ELMO1: variants seen among roughly 807,000 people sequenced by gnomAD.
ELMO1 encodes the protein engulfment and cell motility 1, also known as engulfment and cell motility protein 1.
ELMO1 carries 26 observed loss-of-function variants against 98.9 expected under a neutral mutation model. The ratio of observed to expected loss-of-function variants is 0.26; its 90% confidence interval spans 0.19 to 0.36. The LOEUF (loss-of-function observed/expected upper bound fraction) is 0.36. Ranked by LOEUF, ELMO1 falls within the 10% of genes least tolerant of loss-of-function variation. ELMO1 has a pLI of 1.00. For missense variants in ELMO1, 627 were observed against 935.2 expected, an observed-to-expected ratio of 0.67 and a Z score of 4.30; for synonymous variants, 346 against 346.0, an observed-to-expected ratio of 1.00 and a Z score of 0.00.
chr7:37,039,452 C>G (rs1416772289), intron 15 of ELMO1, among the ~76,000 whole-genome samples: 3 of 152,192 alleles, frequency 2.0e-5, no homozygotes, highest in Non-Finnish European at 4.4e-5. Context: ...TGTTCCTTTC[C>G]CCACAAAACT....
At chr7:37,093,086 G>T (rs373273262) in intron 15 of ELMO1, among the ~76,000 whole-genome samples, 1 of 151,858 alleles carries the variant, frequency 6.6e-6, no homozygotes, top group Non-Finnish European at 1.5e-5. Flanking sequence ...AGTGCTCTGA[G>T]AATGTAAATA....
chr7:37,379,332 C>T (rs191988795), intron 1 of ELMO1, among the ~76,000 whole-genome samples: 59 of 152,270 alleles, frequency 3.9e-4, no homozygotes, highest in Non-Finnish European at 6.0e-4. Context: ...TGAGCCACCG[C>T]GCCCGGCCTC....
At chr7:36,994,793 C>T (rs959549181) in intron 16 of ELMO1, among the ~76,000 whole-genome samples, 1 of 152,232 alleles carries the variant, frequency 6.6e-6, no homozygotes, top group East Asian at 1.9e-4. Flanking sequence ...TTAGAACTTC[C>T]TTCCAGTTAA....
chr7:36,941,462 A>G (rs1246764787), intron 16 of ELMO1, among the ~76,000 whole-genome samples: 1 of 152,246 alleles, frequency 6.6e-6, no homozygotes, highest in Non-Finnish European at 1.5e-5. Flanking sequence ...TCTATGATGT[A>G]ATGTTTTGAG....
chr7:36,950,707 G>C (rs941485526), intron 16 of ELMO1, among the ~76,000 whole-genome samples: 1 of 152,176 alleles, frequency 6.6e-6, no homozygotes, highest in Non-Finnish European at 1.5e-5. Context: ...AAGACATTGC[G>C]CTAGAGGGAC....
At chr7:37,144,939 A>C (rs149905838) in intron 13 of ELMO1, among the ~76,000 whole-genome samples, 1 of 152,238 alleles carries the variant, frequency 6.6e-6, no homozygotes, top group African/African-American at 2.4e-5. Flanking sequence ...CTCTAAACTT[A>C]TTCTGTGCCC....
chr7:36,907,151 C>CA (rs200163255), intron 16 of ELMO1, among the ~76,000 whole-genome samples: 7,026 of 144,984 alleles, frequency 0.048, 340 homozygotes, highest in African/African-American at 0.13. Flanking sequence ...TATGTGCAAA[C>CA]AAAAAAAAAA....
chr7:37,397,350 A>G (rs1803339399), intron 1 of ELMO1, among the ~76,000 whole-genome samples: 1 of 152,256 alleles, frequency 6.6e-6, no homozygotes, highest in South Asian at 2.1e-4. Context: ...GTTTGACAGA[A>G]AATTGATAGA....
intron 1 of ELMO1, among the ~76,000 whole-genome samples, chr7:37,363,111 C>T (rs996769193): frequency 6.6e-6 from 1 of 152,174 alleles, no homozygotes; most frequent in Non-Finnish European, 1.5e-5. Context: ...AACTAGCCTC[C>T]TCTGATGACT....
At chr7:37,244,324 A>G in intron 7 of ELMO1, 32 bp downstream of exon 7, 3 of 1,609,394 alleles carry the variant, frequency 1.9e-6, no homozygotes, top group Non-Finnish European at 1.7e-6. Context: ...GAAGGGTTAA[A>G]TCATCAATAT....
At chr7:37,123,160 A>C (rs369818584) in intron 14 of ELMO1, among the ~76,000 whole-genome samples, 35 of 152,148 alleles carry the variant, frequency 2.3e-4, no homozygotes, top group African/African-American at 7.2e-4. Flanking sequence ...ATTTATAGCA[A>C]TAAATGCCCA....
intron 16 of ELMO1, among the ~76,000 whole-genome samples, chr7:36,925,007 G>A (rs1427284982): frequency 6.6e-6 from 1 of 152,164 alleles, no homozygotes; most frequent in Admixed American, 6.5e-5. Flanking sequence ...CAGTGGTGGT[G>A]GGAGTGCTAC....
At chr7:37,146,029 T>G (rs1787962305) in intron 13 of ELMO1, among the ~76,000 whole-genome samples, 1 of 152,152 alleles carries the variant, frequency 6.6e-6, no homozygotes, top group African/African-American at 2.4e-5. Context: ...TAGATGCACC[T>G]GAAAATCCCC....
At chr7:37,445,687 A>AT (rs1805585443) in intron 1 of ELMO1, among the ~76,000 whole-genome samples, 1 of 151,948 alleles carries the variant, frequency 6.6e-6, no homozygotes, top group Non-Finnish European at 1.5e-5. Context: ...CTGCACCTGC[A>AT]GAACACCTTA....
At chr7:36,903,447 G>A (rs746477885) in intron 16 of ELMO1, among the ~76,000 whole-genome samples, 13 of 152,164 alleles carry the variant, frequency 8.5e-5, no homozygotes, top group Non-Finnish European at 1.6e-4. Flanking sequence ...ACAGAGTAAT[G>A]ATTGAGAAAT....
At chr7:37,407,406 G>A (rs181770031) in intron 1 of ELMO1, among the ~76,000 whole-genome samples, 4 of 151,952 alleles carry the variant, frequency 2.6e-5, no homozygotes, top group South Asian at 4.2e-4. Context: ...TACACAGGAG[G>A]CTGAGGCAGG....
chr7:37,120,698 G>C (rs1432574643), intron 14 of ELMO1, among the ~76,000 whole-genome samples: 7 of 152,172 alleles, frequency 4.6e-5, no homozygotes, highest in Admixed American at 3.9e-4. Flanking sequence ...CACCTCTGAG[G>C]GCAAGGCATA....
intron 16 of ELMO1, among the ~76,000 whole-genome samples, chr7:36,929,422 T>C (rs1785847337): frequency 6.6e-6 from 1 of 152,180 alleles, no homozygotes; most frequent in Non-Finnish European, 1.5e-5. Context: ...TTAGATATGA[T>C]GGAATGCACA....
chr7:37,116,351 A>T (rs1441115785), intron 14 of ELMO1, among the ~76,000 whole-genome samples: 5 of 152,208 alleles, frequency 3.3e-5, no homozygotes, highest in Admixed American at 1.3e-4. Context: ...TACTGTACTC[A>T]ATAAATATTT....
Sources: gnomAD v4.1 joint callset for allele counts (sites outside exome capture counted in the v4.1 genomes callset) on GRCh38, gnomAD v4.1.1 for gene constraint, MANE v1.5 for transcripts, NCBI Gene and HGNC (gene_info 2026-07-23, HGNC 2026-07-21) for gene names.